The following CRACD variants were observed in gnomAD, a reference collection of about 807,000 sequenced individuals.
CRACD encodes the protein capping protein inhibiting regulator of actin dynamics, also known as capping protein-inhibiting regulator of actin dynamics.
In CRACD, 56 loss-of-function variants were observed where a neutral mutation model predicts 106.8. That is an observed-to-expected ratio of 0.52 (90% CI 0.42 to 0.66). The LOEUF (loss-of-function observed/expected upper bound fraction) is 0.66. CRACD is among the 30% of genes least tolerant of loss of function. The pLI is 0.00. For synonymous variants in CRACD, 754 were observed against 670.8 expected, an observed-to-expected ratio of 1.12 and a Z score of -1.92; for missense variants, 1,730 against 1,623.2, an observed-to-expected ratio of 1.07 and a Z score of -1.13.
chr4:56,132,334 C>A (rs1421532390), intron 1 of CRACD, among the ~76,000 whole-genome samples: 1 of 152,030 alleles, frequency 6.6e-6, no homozygotes, highest in Non-Finnish European at 1.5e-5. Context: ...GCCACCGTGC[C>A]TAGCCAATAA....
chr4:56,091,374 T>C (rs1419246537), intron 1 of CRACD, among the ~76,000 whole-genome samples: 1 of 152,048 alleles, frequency 6.6e-6, no homozygotes, highest in East Asian at 1.9e-4. Context: ...CTTTTTTTTT[T>C]TTTTTAAACG....
At chr4:56,258,176 A>T (rs562672313) in intron 2 of CRACD, among the ~76,000 whole-genome samples, 1 of 152,172 alleles carries the variant, frequency 6.6e-6, no homozygotes, top group Admixed American at 6.5e-5. Context: ...ACAACTCCTT[A>T]TCTTAACTCA....
chr4:56,328,438 T>C lies in CRACD; in HGVS notation c.*634T>C, dbSNP rs1272637923. ...ATTCACATTTTTACCGCACTGTGGA[T>C]TCATAGTGTGGGGCCCTGTTATTCC... On this transcript the variant is annotated 3_prime_UTR_variant, in exon 11 of 11. Coordinates refer to ENST00000682029, the MANE Select transcript of CRACD (RefSeq NM_001393381.1). The C allele has an allele frequency of 1.9e-6, 1 of 517,494 alleles. No homozygotes were observed. The highest frequency in any genetic ancestry group is 3.9e-6 in the Non-Finnish European group (1 of 259,304). 32.1% of individuals were successfully genotyped at this position (517,494 alleles called of 1,614,324 possible).
intron 4 of CRACD, among the ~76,000 whole-genome samples, chr4:56,300,533 C>T (rs1396702111): frequency 6.6e-6 from 1 of 152,094 alleles, no homozygotes; most frequent in Admixed American, 6.5e-5. Context: ...AACCTTGACC[C>T]CCCTCCTCCT....
intron 3 of CRACD, among the ~76,000 whole-genome samples, chr4:56,286,198 G>C (rs965654758): frequency 1.3e-5 from 2 of 151,994 alleles, no homozygotes; most frequent in South Asian, 2.1e-4. Context: ...TTTGAGACCA[G>C]CCTGGCCAAC....
intron 1 of CRACD, among the ~76,000 whole-genome samples, chr4:56,143,759 A>G (rs998280652): frequency 1.3e-5 from 2 of 152,060 alleles, no homozygotes; most frequent in Non-Finnish European, 2.9e-5. Flanking sequence ...TTTATTGTCA[A>G]TGTTATACTT....
chr4:56,259,667 C>T (rs1292681354), intron 2 of CRACD, among the ~76,000 whole-genome samples: 4 of 151,734 alleles, frequency 2.6e-5, no homozygotes, highest in Non-Finnish European at 5.9e-5. Context: ...TTGTTGTTTT[C>T]CATCCTTAGA....
chr4:56,208,012 G>T (rs1738216030), intron 2 of CRACD, among the ~76,000 whole-genome samples: 1 of 150,108 alleles, frequency 6.7e-6, no homozygotes, highest in African/African-American at 2.5e-5. Context: ...AGAGATGAGG[G>T]TCTCACTATG....
At chr4:56,234,172 G>C (rs191796054) in intron 2 of CRACD, among the ~76,000 whole-genome samples, 2 of 151,828 alleles carry the variant, frequency 1.3e-5, no homozygotes, top group Non-Finnish European at 2.9e-5. Context: ...TCACAGTGTC[G>C]TGCAACCATC....
chr4:56,150,818 C>T (rs1002059377), intron 1 of CRACD, among the ~76,000 whole-genome samples: 32 of 152,088 alleles, frequency 2.1e-4, no homozygotes, highest in African/African-American at 7.2e-4. Flanking sequence ...TTGATTCTTA[C>T]GAACAGGGCT....
chr4:56,148,076 G>A (rs1257347736), intron 1 of CRACD, among the ~76,000 whole-genome samples: 2 of 152,108 alleles, frequency 1.3e-5, no homozygotes, highest in Non-Finnish European at 2.9e-5. Flanking sequence ...GCCAAGGAGG[G>A]AGGCCTCAGG....
intron 6 of CRACD, 55 bp from the exon 7 acceptor site, chr4:56,313,142 C>A: frequency 6.6e-7 from 1 of 1,505,372 alleles, no homozygotes; most frequent in Admixed American, 1.7e-5. Context: ...TTCTGCGATT[C>A]CCTGCAGGTT....
At position 56,109,113 on chromosome 4, in the gene CRACD, C is replaced by T. The variant is rs972237251; in HGVS notation, c.-336+59814C>T. ...TGGCATTACCGCTTGACCAAGGAGC[C>T]CTCAAGCGGCCCTTATGCGGGCGTG... On this transcript the variant is annotated intron_variant, in intron 1 of 10. Transcript: ENST00000682029. 2.7e-4 allele frequency among the ~76,000 whole-genome samples: 41 copies of T among 152,328 alleles called. No individual in the cohort carries two copies. The East Asian group carries it at 4.4e-3, about 16-fold the overall frequency.
chr4:56,074,021 G>T (rs1345341637), intron 1 of CRACD, among the ~76,000 whole-genome samples: 3 of 152,088 alleles, frequency 2.0e-5, no homozygotes, highest in African/African-American at 7.2e-5. Context: ...GTAGATGTGT[G>T]TTGTTATTTC....
intron 1 of CRACD, among the ~76,000 whole-genome samples, chr4:56,072,169 TG>T (rs2109798462): frequency 6.6e-6 from 1 of 151,190 alleles, no homozygotes; most frequent in Non-Finnish European, 1.5e-5. Context: ...TTGGGACATT[TG>T]GGCCCAGATA....
At chr4:56,187,144 T>C (rs1181923727) in intron 2 of CRACD, among the ~76,000 whole-genome samples, 3 of 152,048 alleles carry the variant, frequency 2.0e-5, no homozygotes, top group Non-Finnish European at 4.4e-5. Context: ...AGCAAATACT[T>C]AGGGCATTGC....
intron 2 of CRACD, among the ~76,000 whole-genome samples, chr4:56,229,428 A>T (rs1463585782): frequency 2.0e-5 from 3 of 152,212 alleles, no homozygotes; most frequent in African/African-American, 7.2e-5. Context: ...TTCGCCAGAC[A>T]CTGAATATTC....
chr4:56,298,088 G>A, intron 3 of CRACD, 126 bp from the exon 4 acceptor site: 4 of 1,064,040 alleles, frequency 3.8e-6, no homozygotes, highest in East Asian at 2.5e-5. Context: ...GGGACACAAT[G>A]CTGAAAGTGC....
At chr4:56,294,354 G>T (rs1685785349) in intron 3 of CRACD, among the ~76,000 whole-genome samples, 1 of 151,836 alleles carries the variant, frequency 6.6e-6, no homozygotes, top group Admixed American at 6.6e-5. Context: ...TTAGAAAATA[G>T]AAATTTTAGT....
Sources: allele counts gnomAD v4.1 joint callset (sites outside exome capture counted in the v4.1 genomes callset), GRCh38; gene constraint gnomAD v4.1.1; transcripts MANE v1.5; gene names NCBI Gene and HGNC (gene_info 2026-07-23, HGNC 2026-07-21).